The following MSANTD4 variants were observed in gnomAD, a reference collection of about 807,000 sequenced individuals.
MSANTD4 encodes Myb/SANT DNA binding domain containing 4 with coiled-coils.
In MSANTD4, 13 loss-of-function variants were observed where a neutral mutation model predicts 34.3. The observed-to-expected ratio is 0.38, with a 90% CI of 0.25 to 0.60. The LOEUF is 0.60. Among genes scored for constraint, MSANTD4 ranks in the 20% least tolerant of loss-of-function variants. The pLI is 0.63. For synonymous variants in MSANTD4, 137 were observed against 145.2 expected (o/e 0.94, Z 0.41); for missense variants, 358 against 401.8 (o/e 0.89, Z 0.93).
intron 1 of MSANTD4, among the ~76,000 whole-genome samples, chr11:106,015,427 G>C (rs559505463): frequency 1.3e-5 from 2 of 152,266 alleles, no homozygotes; most frequent in South Asian, 2.1e-4. Context: ...CCACATCAAA[G>C]GCAAAACATT....
chr11:106,011,847 G>C (rs567051658), intron 1 of MSANTD4, among the ~76,000 whole-genome samples: 1 of 152,234 alleles, frequency 6.6e-6, no homozygotes, highest in South Asian at 2.1e-4. Flanking sequence ...AAACTGAAAG[G>C]CTGAGCTGCA....
At chr11:106,020,459 T>C (rs1183926744) in intron 1 of MSANTD4, among the ~76,000 whole-genome samples, 1 of 152,198 alleles carries the variant, frequency 6.6e-6, no homozygotes, top group Non-Finnish European at 1.5e-5. Flanking sequence ...TATAAATATA[T>C]AACCAATATA....
At position 106,010,003 on chromosome 11, in the gene MSANTD4, G is replaced by A; in HGVS notation, c.570C>T (p.Asn190=). 2 of 1,607,176 alleles carry A rather than the reference G, an allele frequency of 1.2e-6. No homozygotes were observed. The highest frequency in any genetic ancestry group is 8.5e-7 in the Non-Finnish European group (1 of 1,179,940). The change falls in exon 3 of 3, where the codon AAC becomes AAT. Residue 190 remains asparagine, a synonymous_variant. Coordinates refer to ENST00000301919, the MANE Select transcript of MSANTD4 (RefSeq NM_032424.3). ...FPHIDEFFTL[N]STPSRSAYDE... is the part of the protein sequence containing the mutation. ...CATATGCAGATCTAGATGGTGTTGA[G>A]TTAAGGGTAAAAAACTCATCAATGT...
chr11:106,016,495 A>G (rs1039869385), intron 1 of MSANTD4, among the ~76,000 whole-genome samples: 1 of 152,220 alleles, frequency 6.6e-6, no homozygotes, highest in Non-Finnish European at 1.5e-5. Flanking sequence ...CTCTAAAAAC[A>G]GGATCTTCAA....
Position 106,011,044 on chromosome 11 carries a change from G to C in MSANTD4, c.-127C>G. On this transcript the variant is annotated 5_prime_UTR_variant, in exon 2 of 3. Transcript: ENST00000301919. ...CAAATCATTGTCTTCCATTCATCTAGTGGCAAGGCAGTCTGGATAATTCCT... is the reference window on the plus strand; with the variant it reads ...CAAATCATTGTCTTCCATTCATCTACTGGCAAGGCAGTCTGGATAATTCCT... 2 of 1,414,966 alleles carry C rather than the reference G, an allele frequency of 1.4e-6. No homozygotes were observed. The highest frequency in any genetic ancestry group is 9.2e-7 in the Non-Finnish European group (1 of 1,086,316). The allele number at this position is 1,414,966 out of a possible 1,614,324, so 87.7% of individuals were successfully genotyped here.
intron 1 of MSANTD4, among the ~76,000 whole-genome samples, chr11:106,016,174 T>G (rs1859840763): frequency 6.6e-6 from 1 of 152,184 alleles, no homozygotes; most frequent in Non-Finnish European, 1.5e-5. Context: ...ACTTAAATAA[T>G]TTTAGAGGAT....
intron 1 of MSANTD4, among the ~76,000 whole-genome samples, chr11:106,013,530 T>G (rs1342189792): frequency 1.3e-5 from 2 of 152,178 alleles, no homozygotes; most frequent in South Asian, 2.1e-4. Flanking sequence ...CACATGTACT[T>G]TGACTTTATT....
chr11:106,011,672 T>C (rs1859697101), intron 1 of MSANTD4, among the ~76,000 whole-genome samples: 1 of 152,190 alleles, frequency 6.6e-6, no homozygotes, highest in Admixed American at 6.5e-5. Flanking sequence ...AGGGCAGGGA[T>C]GTTTCCACTG....
rs1159046981 is a variant in MSANTD4, at chr11:106,008,674, GTACAT to G, written c.*856_*860del. Reference sequence around the variant, plus strand: ...TCAACTATTCACTTATAAGATTTCAGTACATTACTGAAATGACATTTTTGTACCCA... The same window carrying G: ...TCAACTATTCACTTATAAGATTTCAGTACTGAAATGACATTTTTGTACCCA... On this transcript the variant is annotated 3_prime_UTR_variant, in exon 3 of 3. Coordinates refer to ENST00000301919, the MANE Select transcript of MSANTD4 (RefSeq NM_032424.3). The G allele has an allele frequency of 1.3e-5, 2 of 152,084 alleles. No homozygotes were observed. The highest frequency in any genetic ancestry group is 2.9e-5 in the Non-Finnish European group (2 of 68,030). 9.4% of individuals were successfully genotyped at this position (152,084 alleles called of 1,614,324 possible).
chr11:106,009,581 A>G lies in MSANTD4; in HGVS notation c.992T>C (p.Val331Ala). The G allele has an allele frequency of 6.2e-7, 1 of 1,613,688 alleles. No individual in the cohort carries two copies. Among genetic ancestry groups the G allele is most frequent in the Non-Finnish European group, 8.5e-7 (1 of 1,179,812 alleles). ...KLQIEKERLQ[V>A]EKDRLRIQKE... Reference sequence around the variant, plus strand: ...CTGAATTCGAAGTCTGTCTTTCTCTACCTGTAAGCGTTCCTTTTCAATCTG... The same window carrying G: ...CTGAATTCGAAGTCTGTCTTTCTCTGCCTGTAAGCGTTCCTTTTCAATCTG... The change falls in exon 3 of 3, where the codon GTA (valine) becomes GCA (alanine). Residue 331 changes from valine (V) to alanine (A), a missense_variant. Physicochemically the swap from Val to Ala is moderately conservative, Grantham distance 64 (BLOSUM62 0). Coordinates refer to ENST00000301919, the MANE Select transcript of MSANTD4 (RefSeq NM_032424.3).
At chr11:106,019,774 G>A (rs1204538632) in intron 1 of MSANTD4, among the ~76,000 whole-genome samples, 1 of 152,100 alleles carries the variant, frequency 6.6e-6, no homozygotes, top group African/African-American at 2.4e-5. Context: ...GTAAAACACA[G>A]ATGCATAAAA....
chr11:106,019,093 T>C (rs917405082), intron 1 of MSANTD4, among the ~76,000 whole-genome samples: 2 of 152,150 alleles, frequency 1.3e-5, no homozygotes, highest in African/African-American at 4.8e-5. Flanking sequence ...ATCTGAACCC[T>C]ACCTTTACAC....
At chr11:106,018,043 G>T (rs1859907632) in intron 1 of MSANTD4, among the ~76,000 whole-genome samples, 1 of 151,996 alleles carries the variant, frequency 6.6e-6, no homozygotes, top group Non-Finnish European at 1.5e-5. Flanking sequence ...CAACAGTCTA[G>T]GCTAGAGTGG....
rs990037926 is a variant in MSANTD4, at chr11:106,009,213, C to T, written c.*322G>A. The T allele has an allele frequency of 4.8e-6, 1 of 207,188 alleles. No individual in the cohort carries two copies. Among genetic ancestry groups the T allele is most frequent in the African/African-American group, 2.3e-5 (1 of 43,154 alleles). 12.8% of individuals were successfully genotyped at this position (207,188 alleles called of 1,614,324 possible). ...CATCACCAAATTGGTCTTCTGAAGG[C>T]CAAAATCTACCCCAGATGAGAACTT... On this transcript the variant is annotated 3_prime_UTR_variant, in exon 3 of 3. Transcript: ENST00000301919.
intron 1 of MSANTD4, among the ~76,000 whole-genome samples, chr11:106,014,676 T>C (rs1397324614): frequency 2.0e-5 from 3 of 152,354 alleles, no homozygotes; most frequent in African/African-American, 4.8e-5. Flanking sequence ...CTTATCACCA[T>C]TGCATTAAAC....
In MSANTD4 at chr11:106,021,185, A is replaced by G. The variant is rs1860021825; in HGVS notation, c.-374T>C. On this transcript the variant is annotated 5_prime_UTR_variant, in exon 1 of 3. Transcript: ENST00000301919. ...TATGTCATTTTAGATGTCAAACACT[A>G]TCCCTTTTCTATTGCCTGTCATCGC... 6.6e-6 allele frequency: 1 copy of G among 152,218 alleles called. No homozygotes were observed. The highest frequency in any genetic ancestry group is 2.1e-4 in the South Asian group (1 of 4,838). The allele number at this position is 152,218 out of a possible 1,614,324, so 9.4% of individuals were successfully genotyped here.
intron 1 of MSANTD4, among the ~76,000 whole-genome samples, chr11:106,018,298 C>T (rs1447867286): frequency 6.6e-6 from 1 of 152,170 alleles, no homozygotes; most frequent in Non-Finnish European, 1.5e-5. Context: ...CAACATACCT[C>T]ATTTTGTATT....
chr11:106,018,806 AG>A (rs1859938021), intron 1 of MSANTD4, among the ~76,000 whole-genome samples: 1 of 152,224 alleles, frequency 6.6e-6, no homozygotes. Flanking sequence ...ATGAAAGCTT[AG>A]GTGATTTAGA....
Position 106,009,523 on chromosome 11 carries a change from A to G in MSANTD4, c.*12T>C. On this transcript the variant is annotated 3_prime_UTR_variant, in exon 3 of 3. Transcript: ENST00000301919. The stretch of plus-strand genomic sequence containing the variant: ...AGTTTTCAAACATTTGCTAAATGGA[A>G]GCCTGGAAAAATCACTGCAAGTGTC... The G allele has an allele frequency of 1.3e-6, 2 of 1,576,462 alleles. No individual in the cohort carries two copies. The highest frequency in any genetic ancestry group is 1.7e-6 in the Non-Finnish European group (2 of 1,162,976).
Sources: allele counts gnomAD v4.1 joint callset (sites outside exome capture counted in the v4.1 genomes callset), GRCh38; gene constraint gnomAD v4.1.1; transcripts MANE v1.5; gene names NCBI Gene and HGNC (gene_info 2026-07-23, HGNC 2026-07-21).